The following MSRA variants were observed in gnomAD, a reference collection of about 807,000 sequenced individuals.
The protein encoded by MSRA is mitochondrial peptide methionine sulfoxide reductase.
Under a neutral mutation model 31.3 loss-of-function variants are expected in MSRA, and 54 were observed. That is an observed-to-expected ratio of 1.73 (90% CI 1.39 to 2.17). The LOEUF (loss-of-function observed/expected upper bound fraction) is 2.17. Ranked by LOEUF, MSRA falls within the 30% of genes most tolerant of loss-of-function variation. The probability of loss-of-function intolerance (pLI) is 0.00; values close to 1 mark genes in which losing one functional copy is unlikely to be tolerated. For missense variants in MSRA, 507 were observed against 300.9 expected (o/e 1.69, Z -5.07); for synonymous variants, 169 against 116.5 (o/e 1.45, Z -2.90).
intron 1 of MSRA, among the ~76,000 whole-genome samples, chr8:10,201,647 T>G (rs1392126515): frequency 6.6e-6 from 1 of 152,264 alleles, no homozygotes; most frequent in Non-Finnish European, 1.5e-5. Flanking sequence ...TCATACAATT[T>G]GAAGTGCATG....
intron 5 of MSRA, chr8:10,411,101 G>T (rs1441641457): frequency 6.6e-6 from 1 of 152,064 alleles, no homozygotes; most frequent in Non-Finnish European, 1.5e-5. Flanking sequence ...CTCCACTCAG[G>T]TTTTACTTTT....
intron 1 of MSRA, among the ~76,000 whole-genome samples, chr8:10,133,938 C>G (rs994458603): frequency 3.3e-5 from 5 of 152,096 alleles, no homozygotes; most frequent in African/African-American, 1.2e-4. Flanking sequence ...TCAAGTGATT[C>G]TCGTTTCTCA....
At chr8:10,070,776 T>A (rs1797694448) in intron 1 of MSRA, among the ~76,000 whole-genome samples, 1 of 152,238 alleles carries the variant, frequency 6.6e-6, no homozygotes, top group African/African-American at 2.4e-5. Context: ...TGGGATTGGC[T>A]TTTTTCAGTC....
intron 3 of MSRA, among the ~76,000 whole-genome samples, chr8:10,270,911 C>T (rs945217522): frequency 6.6e-6 from 1 of 152,184 alleles, no homozygotes; most frequent in East Asian, 1.9e-4. Flanking sequence ...GCCTTCCCCA[C>T]AGCTTGGCTT....
chr8:10,258,928 G>A (rs1434050439), intron 3 of MSRA, among the ~76,000 whole-genome samples: 6 of 152,084 alleles, frequency 3.9e-5, no homozygotes, highest in Non-Finnish European at 8.8e-5. Flanking sequence ...CCAACATGTC[G>A]AAACCCTGTA....
intron 1 of MSRA, among the ~76,000 whole-genome samples, chr8:10,193,080 G>T (rs912796415): frequency 2.0e-5 from 3 of 152,122 alleles, no homozygotes; most frequent in Non-Finnish European, 2.9e-5. Context: ...TAATATCCTG[G>T]CAGACCTATC....
intron 1 of MSRA, among the ~76,000 whole-genome samples, chr8:10,136,287 T>C (rs1802271599): frequency 6.6e-6 from 1 of 152,206 alleles, no homozygotes; most frequent in African/African-American, 2.4e-5. Context: ...CTATCTCAAC[T>C]AGCTTCTGCT....
intron 1 of MSRA, among the ~76,000 whole-genome samples, chr8:10,186,491 T>C (rs1040024396): frequency 2.0e-5 from 3 of 152,218 alleles, no homozygotes; most frequent in South Asian, 4.1e-4. Context: ...CATTAAAATA[T>C]ATGAAAACCA....
At chr8:10,378,692 T>C (rs1213462974) in intron 5 of MSRA, among the ~76,000 whole-genome samples, 2 of 152,218 alleles carry the variant, frequency 1.3e-5, no homozygotes, top group African/African-American at 2.4e-5. Context: ...GTGGTCCCCA[T>C]TGGCACCACC....
intron 3 of MSRA, 123 bp from the exon 4 acceptor site, chr8:10,301,411 C>T: frequency 1.5e-6 from 1 of 683,110 alleles, no homozygotes; most frequent in Non-Finnish European, 2.5e-6. Flanking sequence ...TCTAATCCTC[C>T]TTCCATTCTT....
chr8:10,283,842 C>CGT (rs1563307859), intron 3 of MSRA, among the ~76,000 whole-genome samples: 2 of 82,182 alleles, frequency 2.4e-5, no homozygotes, highest in Non-Finnish European at 4.4e-5. Context: ...TATATACACA[C>CGT]ACACACACAC....
intron 3 of MSRA, among the ~76,000 whole-genome samples, chr8:10,295,713 C>T (rs1292585949): frequency 2.6e-5 from 4 of 152,178 alleles, no homozygotes; most frequent in Admixed American, 2.6e-4. Context: ...TCACTTGGCA[C>T]CCCCTGGAGA....
chr8:10,198,791 C>A lies in MSRA; in HGVS notation c.143-9042C>A, dbSNP rs535314966. Among the ~76,000 whole-genome samples the A allele has an allele frequency of 7.2e-5, 11 of 152,124 alleles. No individual in the cohort carries two copies. In the East Asian group the frequency reaches 2.1e-3, roughly 29 times the overall value. ...GGTGCACACCACCATGCCTGGCTAA[C>A]TTATTTATTTATTTTTTGTAGCAAT... On this transcript the variant is annotated intron_variant, in intron 1 of 5. Transcript: ENST00000317173.
intron 5 of MSRA, among the ~76,000 whole-genome samples, chr8:10,347,413 T>G (rs1042503394): frequency 6.6e-6 from 1 of 152,202 alleles, no homozygotes; most frequent in Non-Finnish European, 1.5e-5. Context: ...CCATTCCTTC[T>G]TGTGATGTCC....
At chr8:10,137,084 G>T (rs2129028906) in intron 1 of MSRA, among the ~76,000 whole-genome samples, 1 of 152,312 alleles carries the variant, frequency 6.6e-6, no homozygotes, top group Middle Eastern at 3.4e-3. Context: ...TCCATCCTCA[G>T]ATCCTTGTTG....
At position 10,097,799 on chromosome 8, in the gene MSRA, A is replaced by C. The variant is rs147390627; in HGVS notation, c.142+43141A>C. On this transcript the variant is annotated intron_variant, in intron 1 of 5. Transcript: ENST00000317173. ...AAAGTAGGTGAATTAAAAAACAAAT[A>C]TGTCAGAATATACCTTAAGAAATAT... Among the ~76,000 whole-genome samples, 100 of 152,310 alleles carry C rather than the reference A, an allele frequency of 6.6e-4. 2 individuals carry two copies. The East Asian group carries it at 0.016, about 25-fold the overall frequency.
chr8:10,235,374 A>G (rs1341950961), intron 2 of MSRA, among the ~76,000 whole-genome samples: 1 of 152,184 alleles, frequency 6.6e-6, no homozygotes, highest in Non-Finnish European at 1.5e-5. Flanking sequence ...TGAAAGTACT[A>G]CATATCTATA....
At chr8:10,339,897 C>A (rs995570379) in intron 5 of MSRA, among the ~76,000 whole-genome samples, 2 of 152,064 alleles carry the variant, frequency 1.3e-5, no homozygotes, top group Non-Finnish European at 2.9e-5. Flanking sequence ...CATAAGGACC[C>A]TATGGTCTGC....
intron 3 of MSRA, among the ~76,000 whole-genome samples, chr8:10,301,168 G>T (rs1385530549): frequency 6.6e-6 from 1 of 152,026 alleles, no homozygotes; most frequent in Non-Finnish European, 1.5e-5. Flanking sequence ...AAAATAAATT[G>T]GCTCTTTCCC....
Sources: allele counts gnomAD v4.1 joint callset (sites outside exome capture counted in the v4.1 genomes callset), GRCh38; gene constraint gnomAD v4.1.1; transcripts MANE v1.5; gene names NCBI Gene and HGNC (gene_info 2026-07-23, HGNC 2026-07-21).